The following PTPN14 variants were observed in gnomAD, a reference collection of about 807,000 sequenced individuals.
PTPN14 encodes tyrosine-protein phosphatase non-receptor type 14.
PTPN14 carries 53 observed loss-of-function variants against 126.8 expected under a neutral mutation model. The ratio of observed to expected loss-of-function variants is 0.42; its 90% confidence interval spans 0.34 to 0.53. The LOEUF (loss-of-function observed/expected upper bound fraction) is 0.53, where lower values mean the gene tolerates loss of function less well. PTPN14 is among the 20% of genes least tolerant of loss of function. The probability of loss-of-function intolerance (pLI) is 0.08; values close to 1 mark genes in which losing one functional copy is unlikely to be tolerated. For synonymous variants in PTPN14, 630 were observed against 599.3 expected, an observed-to-expected ratio of 1.05 and a Z score of -0.75; for missense variants, 1,257 against 1,552.9, an observed-to-expected ratio of 0.81 and a Z score of 3.20.
intron 2 of PTPN14, among the ~76,000 whole-genome samples, chr1:214,464,206 T>A (rs7530462): frequency 8.3e-6 from 1 of 119,842 alleles, no homozygotes; most frequent in South Asian, 2.7e-4. Context: ...GAGGAAAATA[T>A]AGAAACAACC....
chr1:214,405,153 T>C (rs1003418301), intron 5 of PTPN14, among the ~76,000 whole-genome samples: 1 of 152,222 alleles, frequency 6.6e-6, no homozygotes, highest in Non-Finnish European at 1.5e-5. Flanking sequence ...TCATGCAGTG[T>C]GAAATGCCAC....
intron 3 of PTPN14, among the ~76,000 whole-genome samples, chr1:214,415,509 C>G (rs949398325): frequency 4.6e-5 from 7 of 152,254 alleles, no homozygotes. Flanking sequence ...TCACATTTCT[C>G]TAGCATTAAT....
At chr1:214,402,437 C>CAAAAAAAAAAAAA (rs1165595746) in intron 6 of PTPN14, among the ~76,000 whole-genome samples, 7 of 48,140 alleles carry the variant, frequency 1.5e-4, no homozygotes, top group African/African-American at 5.8e-4. Context: ...GAGACTCTGT[C>CAAAAAAAAAAAAA]AAAAAAAAAA....
At chr1:214,458,391 T>C (rs1660432716) in intron 2 of PTPN14, among the ~76,000 whole-genome samples, 1 of 152,058 alleles carries the variant, frequency 6.6e-6, no homozygotes, top group Admixed American at 6.6e-5. Flanking sequence ...ACAAGCAGAC[T>C]TACAAAAGGG....
Position 214,384,932 on chromosome 1 carries a change from A to C in PTPN14, c.1067-144T>G, listed in dbSNP as rs1376324623. The C allele has an allele frequency of 2.1e-6, 2 of 951,790 alleles. No individual in the cohort carries two copies. Among genetic ancestry groups the C allele is most frequent in the South Asian group, 3.4e-5 (2 of 58,948 alleles). 59.0% of individuals were successfully genotyped at this position (951,790 alleles called of 1,614,324 possible). On this transcript the variant is annotated intron_variant, in intron 12 of 18. Transcript: ENST00000366956. The surrounding 1 kb of genome is among the most constrained non-coding windows in gnomAD (Gnocchi z 5.3). ...GGTCTCCACCCACATGTTCTATAGA[A>C]TAACAGATACTATCTTGGATGAAAT...
intron 5 of PTPN14, 126 bp downstream of exon 5, chr1:214,411,558 C>T (rs2102580695): frequency 1.6e-6 from 1 of 633,612 alleles, no homozygotes; most frequent in Non-Finnish European, 2.6e-6. Context: ...CTTGCCCCTA[C>T]TTTATAAACC....
chr1:214,451,338 T>C lies in PTPN14; in HGVS notation c.344+467A>G, dbSNP rs115887496. Among the ~76,000 whole-genome samples the C allele has an allele frequency of 7.3e-3, 1,106 of 152,114 alleles. 9 individuals carry two copies. The highest frequency in any genetic ancestry group is 0.025 in the African/African-American group (1,037 of 41,468). On this transcript the variant is annotated intron_variant, in intron 3 of 18. Transcript: ENST00000366956. ...ACCATGTCTAGCTAGTTTTTATATT[T>C]TTTTCTTTTTGTAGAGACAGGGTCT...
intron 1 of PTPN14, among the ~76,000 whole-genome samples, chr1:214,495,237 C>A (rs1661334197): frequency 6.6e-6 from 1 of 152,206 alleles, no homozygotes; most frequent in African/African-American, 2.4e-5. Flanking sequence ...TTGGTTCCCT[C>A]ATCTGTAAGA....
chr1:214,370,525 C>T lies in PTPN14; in HGVS notation c.3037-834G>A, dbSNP rs115457118. ...GTTCAGCGCACAGCTCTTTCTGTTA[C>T]AGCACACTGACTACCGATGCTGTCT... On this transcript the variant is annotated intron_variant, in intron 16 of 18. Coordinates refer to ENST00000366956, the MANE Select transcript of PTPN14 (RefSeq NM_005401.5). Among the ~76,000 whole-genome samples, 1,124 of 152,264 alleles carry T rather than the reference C, an allele frequency of 7.4e-3. 14 individuals carry two copies. Among genetic ancestry groups the T allele is most frequent in the African/African-American group, 0.025 (1,057 of 41,530 alleles).
At chr1:214,445,343 CTG>C (rs963268449) in intron 3 of PTPN14, among the ~76,000 whole-genome samples, 2 of 152,186 alleles carry the variant, frequency 1.3e-5, no homozygotes, top group African/African-American at 4.8e-5. Flanking sequence ...AATGACCGTG[CTG>C]GCTACAGCAG....
In PTPN14 at chr1:214,373,597, ACACACACAC is replaced by A. The variant is rs1274989573; in HGVS notation, c.2908-767_2908-759del. Among the ~76,000 whole-genome samples the A allele has an allele frequency of 4.9e-4, 69 of 140,780 alleles. 2 individuals are homozygous for A. The highest frequency in any genetic ancestry group is 1.8e-3 in the African/African-American group (69 of 37,582). The allele number at this position is 140,780 out of a possible 152,430, so 92.4% of individuals were successfully genotyped here. A position where few individuals can be genotyped will look rare whatever the true frequency, so the allele number is the denominator to read the frequency against. ...CACACACACACACACACACACACAC[ACACACACAC>A]ACCTGGTCATGACCACTAAACTGAT... On this transcript the variant is annotated intron_variant, in intron 15 of 18. Transcript: ENST00000366956.
chr1:214,493,639 T>A (rs1661298004), intron 1 of PTPN14, among the ~76,000 whole-genome samples: 1 of 152,206 alleles, frequency 6.6e-6, no homozygotes, highest in African/African-American at 2.4e-5. Context: ...AGGAAATTGA[T>A]CTTTTATACA....
chr1:214,450,633 C>T (rs1558107984), intron 3 of PTPN14, among the ~76,000 whole-genome samples: 1 of 152,124 alleles, frequency 6.6e-6, no homozygotes, highest in African/African-American at 2.4e-5. Context: ...AAAGCATGTT[C>T]CCGCATTGCT....
At chr1:214,502,779 CAAT>C (rs1553273431) in intron 1 of PTPN14, among the ~76,000 whole-genome samples, 2 of 151,860 alleles carry the variant, frequency 1.3e-5, no homozygotes, top group Non-Finnish European at 2.9e-5. Flanking sequence ...AAATATAGCG[CAAT>C]AATGTTAAAA....
At chr1:214,501,297 A>G (rs543608454) in intron 1 of PTPN14, among the ~76,000 whole-genome samples, 1 of 152,218 alleles carries the variant, frequency 6.6e-6, no homozygotes, top group Admixed American at 6.5e-5. Flanking sequence ...ACTGCAGTCC[A>G]GTGGCACTCT....
At chr1:214,391,812 G>A (rs1221546660) in intron 10 of PTPN14, among the ~76,000 whole-genome samples, 1 of 151,844 alleles carries the variant, frequency 6.6e-6, no homozygotes, top group African/African-American at 2.4e-5. Flanking sequence ...ATTTTTTGGT[G>A]ATAAAATATC....
intron 1 of PTPN14, among the ~76,000 whole-genome samples, chr1:214,495,048 CCT>C (rs2102422780): frequency 6.6e-6 from 1 of 152,262 alleles, no homozygotes; most frequent in South Asian, 2.1e-4. Flanking sequence ...TGTATTTTCT[CCT>C]CTCTCAGCAT....
Position 214,534,476 on chromosome 1 carries a change from G to T in PTPN14, c.-155+16707C>A, listed in dbSNP as rs1046565690. ...AGCCTGTAATCCCAGCACTTTGGGA[G>T]GCCGAGGCGGGCGGATCACGAGGTC... On this transcript the variant is annotated intron_variant, in intron 1 of 18. Coordinates refer to ENST00000366956, the MANE Select transcript of PTPN14 (RefSeq NM_005401.5). 4.0e-4 allele frequency among the ~76,000 whole-genome samples: 61 copies of T among 152,242 alleles called. 1 individual carries two copies. The highest frequency in any genetic ancestry group is 1.4e-3 in the African/African-American group (58 of 41,540).
chr1:214,397,894 A>T lies in PTPN14; in HGVS notation c.758+19T>A. The T allele has an allele frequency of 6.4e-7, 1 of 1,562,044 alleles. No homozygotes were observed. The highest frequency in any genetic ancestry group is 8.8e-7 in the Non-Finnish European group (1 of 1,137,860). On this transcript the variant is annotated intron_variant, in intron 8 of 18. Coordinates refer to ENST00000366956, the MANE Select transcript of PTPN14 (RefSeq NM_005401.5). ...CTCAAGGTAAAAAAGAAAAAAGAAA[A>T]ACAAACAAATAAGACTACCTGTATA... is the stretch of plus-strand genomic sequence containing the variant.
Sources: allele counts gnomAD v4.1 joint callset (sites outside exome capture counted in the v4.1 genomes callset), GRCh38; gene constraint gnomAD v4.1.1; non-coding constraint Gnocchi (gnomAD v3.1); transcripts MANE v1.5; gene names NCBI Gene and HGNC (gene_info 2026-07-23, HGNC 2026-07-21).